Variants in HRH1 observed in about 807,000 individuals in gnomAD.
HRH1 encodes the protein histamine receptor H1, also known as histamine H1 receptor.
A neutral mutation model predicts 10.3 loss-of-function variants in HRH1; 6 were observed. The ratio of observed to expected loss-of-function variants is 0.58; its 90% CI spans 0.32 to 1.15. The LOEUF is 1.15. Among genes scored for constraint, HRH1 ranks in the 50% most tolerant of loss-of-function variants. The probability of loss-of-function intolerance (pLI) is 0.05; values close to 1 mark genes in which losing one functional copy is unlikely to be tolerated. For synonymous variants in HRH1, 242 were observed against 236.7 expected (o/e 1.02, Z -0.21); for missense variants, 514 against 615.3 (o/e 0.84, Z 1.74).
Position 11,217,515 on chromosome 3 carries a change from C to G in HRH1, c.-35-41488C>G, listed in dbSNP as rs143380642. On this transcript the variant is annotated intron_variant, in intron 1 of 1. Transcript: ENST00000431010. The stretch of plus-strand genomic sequence containing the variant: ...TTGCACTCCAGCTTGGGTGACAGAG[C>G]GAGACTTGGTCTCAAAAAAAAAGAA... Among the ~76,000 whole-genome samples, 20 of 151,734 alleles carry G rather than the reference C, an allele frequency of 1.3e-4. No individual in the cohort carries two copies. The East Asian group carries it at 3.9e-3, about 29-fold the overall frequency.
intron 1 of HRH1, among the ~76,000 whole-genome samples, chr3:11,184,672 T>C (rs921099653): frequency 6.6e-6 from 1 of 152,038 alleles, no homozygotes; most frequent in East Asian, 1.9e-4. Context: ...ATCCAATAGT[T>C]TGGGAGGCCG....
intron 1 of HRH1, among the ~76,000 whole-genome samples, chr3:11,212,429 A>G (rs930338405): frequency 1.3e-5 from 2 of 152,092 alleles, no homozygotes; most frequent in African/African-American, 2.4e-5. Flanking sequence ...GACATATTTC[A>G]TGGAAGGGCT....
intron 1 of HRH1, among the ~76,000 whole-genome samples, chr3:11,239,400 AT>A (rs1939275376): frequency 6.6e-6 from 1 of 152,148 alleles, no homozygotes; most frequent in South Asian, 2.1e-4. Context: ...TTCTTTGTGT[AT>A]TTTGGATACA....
At chr3:11,195,923 T>A (rs1468865105) in intron 1 of HRH1, among the ~76,000 whole-genome samples, 4 of 152,212 alleles carry the variant, frequency 2.6e-5, no homozygotes, top group Non-Finnish European at 5.9e-5. Flanking sequence ...CAGCATCCTG[T>A]GGCAGAAAGC....
chr3:11,150,539 C>G (rs1426781068), upstream of HRH1, among the ~76,000 whole-genome samples: 1 of 152,240 alleles, frequency 6.6e-6, no homozygotes, highest in Admixed American at 6.5e-5. Context: ...GGGAGCCCAA[C>G]GTAGTGACAC....
At position 11,209,280 on chromosome 3, in the gene HRH1, T is replaced by C. The variant is rs575063717; in HGVS notation, c.-35-49723T>C. ...CTAGTTTTTATATTTTTTGTAGAGG[T>C]AGGTTCTTGCTCTATTGCCCAGGCT... On this transcript the variant is annotated intron_variant, in intron 1 of 1. Coordinates refer to ENST00000431010, the MANE Select transcript of HRH1 (RefSeq NM_001098212.2). 3.0e-4 allele frequency among the ~76,000 whole-genome samples: 45 copies of C among 152,234 alleles called. No homozygotes were observed. The East Asian group carries it at 8.5e-3, about 29-fold the overall frequency.
chr3:11,201,525 G>T (rs1937907634), intron 1 of HRH1, among the ~76,000 whole-genome samples: 1 of 152,198 alleles, frequency 6.6e-6, no homozygotes, highest in African/African-American at 2.4e-5. Flanking sequence ...CTGTGTCCTG[G>T]ATGCTTTGGG....
intron 1 of HRH1, among the ~76,000 whole-genome samples, chr3:11,254,087 G>GT (rs1159751716): frequency 1.3e-5 from 2 of 152,082 alleles, no homozygotes; most frequent in Non-Finnish European, 1.5e-5. Context: ...CTATCAGAGG[G>GT]TATATTATCA....
chr3:11,173,230 T>A (rs1937187696), intron 1 of HRH1, among the ~76,000 whole-genome samples: 1 of 152,182 alleles, frequency 6.6e-6, no homozygotes, highest in African/African-American at 2.4e-5. Context: ...TGACTTTTTC[T>A]TGGGTTGATT....
intron 1 of HRH1, among the ~76,000 whole-genome samples, chr3:11,175,782 A>G (rs1242086117): frequency 6.6e-6 from 1 of 152,198 alleles, no homozygotes; most frequent in Non-Finnish European, 1.5e-5. Flanking sequence ...TCAAACACCA[A>G]CAAGGGACTC....
intron 1 of HRH1, among the ~76,000 whole-genome samples, chr3:11,198,604 G>T (rs1394060779): frequency 1.3e-5 from 2 of 152,000 alleles, no homozygotes; most frequent in Non-Finnish European, 2.9e-5. Flanking sequence ...GGGCACGGTA[G>T]TTCACTCCCA....
intron 1 of HRH1, among the ~76,000 whole-genome samples, chr3:11,215,275 T>C (rs1938450307): frequency 6.6e-6 from 1 of 152,242 alleles, no homozygotes; most frequent in African/African-American, 2.4e-5. Context: ...TATTGTGTCA[T>C]GTGTAATTCA....
chr3:11,206,031 G>C (rs1938112523), intron 1 of HRH1, among the ~76,000 whole-genome samples: 1 of 152,164 alleles, frequency 6.6e-6, no homozygotes, highest in Non-Finnish European at 1.5e-5. Flanking sequence ...CTGGATGTCT[G>C]AGGTCTGTCT....
intron 1 of HRH1, among the ~76,000 whole-genome samples, chr3:11,215,042 T>A (rs1021425574): frequency 1.3e-5 from 2 of 152,218 alleles, no homozygotes; most frequent in Non-Finnish European, 2.9e-5. Flanking sequence ...GACTATGACA[T>A]GGCTGATCGC....
rs557705728 is a variant in HRH1 at position 11,232,143 on chromosome 3, G to A, written c.-35-26860G>A. ...GCTGGGAATACAGGTGCGTGCCACC[G>A]TGCCCAGCTAATTTTTGTATTTTTA... On this transcript the variant is annotated intron_variant, in intron 1 of 1. Coordinates refer to ENST00000431010, the MANE Select transcript of HRH1 (RefSeq NM_001098212.2). Among the ~76,000 whole-genome samples, 21 of 151,872 alleles carry A rather than the reference G, an allele frequency of 1.4e-4. No individual in the cohort carries two copies. In the East Asian group the frequency reaches 3.9e-3, roughly 28 times the overall value.
upstream of HRH1, among the ~76,000 whole-genome samples, chr3:11,151,108 T>C (rs561490258): frequency 6.6e-6 from 1 of 152,340 alleles, no homozygotes; most frequent in Admixed American, 6.5e-5. Context: ...GACTCAGGCT[T>C]AGCCAACCAA....
chr3:11,139,761 A>G (rs999727447), intron 1 of HRH1, among the ~76,000 whole-genome samples: 11 of 152,244 alleles, frequency 7.2e-5, no homozygotes, highest in African/African-American at 2.4e-4. Flanking sequence ...AGACAGTCAC[A>G]GAAGACAGCA....
At chr3:11,180,032 G>A (rs1468645010) in intron 1 of HRH1, among the ~76,000 whole-genome samples, 1 of 152,072 alleles carries the variant, frequency 6.6e-6, no homozygotes, top group Non-Finnish European at 1.5e-5. Context: ...CAAAGCGCTG[G>A]AATTACAGGC....
intron 1 of HRH1, among the ~76,000 whole-genome samples, chr3:11,144,657 AG>A (rs1264764086): frequency 6.6e-6 from 1 of 151,758 alleles, no homozygotes; most frequent in Non-Finnish European, 1.5e-5. Flanking sequence ...GCCTGAGAAC[AG>A]GGAGGAGCAG....
Sources: allele counts gnomAD v4.1 joint callset (sites outside exome capture counted in the v4.1 genomes callset), GRCh38; gene constraint gnomAD v4.1.1; transcripts MANE v1.5; gene names NCBI Gene and HGNC (gene_info 2026-07-23, HGNC 2026-07-21).